The following STK32B variants were observed in gnomAD, a reference collection of about 807,000 sequenced individuals.
STK32B encodes serine/threonine-protein kinase 32B.
In STK32B, 43 loss-of-function variants were observed where a neutral mutation model predicts 52.6. That is an observed-to-expected ratio of 0.82 (90% CI 0.64 to 1.05). The LOEUF (loss-of-function observed/expected upper bound fraction) is 1.05, where lower values mean the gene tolerates loss of function less well. STK32B is among the 50% of genes least tolerant of loss of function. The pLI is 0.00. For missense variants in STK32B, 621 were observed against 534.6 expected, an observed-to-expected ratio of 1.16 and a Z score of -1.59; for synonymous variants, 238 against 204.3, an observed-to-expected ratio of 1.17 and a Z score of -1.41.
chr4:5,126,871 A>G (rs1192739196), intron 1 of STK32B, among the ~76,000 whole-genome samples: 1 of 152,240 alleles, frequency 6.6e-6, no homozygotes, highest in Non-Finnish European at 1.5e-5. Context: ...GGAATGAATA[A>G]TACAGGGTCT....
chr4:5,254,978 G>T (rs73081684), intron 3 of STK32B, among the ~76,000 whole-genome samples: 2 of 142,026 alleles, frequency 1.4e-5, no homozygotes, highest in East Asian at 2.1e-4. Context: ...ATATATATAT[G>T]TTTATTGAGC....
chr4:5,144,093 A>G (rs935764983), intron 2 of STK32B, among the ~76,000 whole-genome samples: 2 of 152,206 alleles, frequency 1.3e-5, no homozygotes, highest in African/African-American at 4.8e-5. Context: ...TTGGGCGGAC[A>G]CAAATTTCCC....
chr4:5,486,298 C>T (rs1000730725), intron 11 of STK32B, among the ~76,000 whole-genome samples: 2 of 152,184 alleles, frequency 1.3e-5, no homozygotes, highest in African/African-American at 4.8e-5. Flanking sequence ...GGGCGCCCCA[C>T]CCCCAACCTC....
chr4:5,210,797 CTT>C (rs373764187), intron 3 of STK32B, among the ~76,000 whole-genome samples: 51 of 142,854 alleles, frequency 3.6e-4, no homozygotes, highest in Admixed American at 6.3e-4. Context: ...TTTAGAAATA[CTT>C]TTTTTTTTTT....
intron 1 of STK32B, among the ~76,000 whole-genome samples, chr4:5,072,040 G>A (rs1711816996): frequency 6.6e-6 from 1 of 152,108 alleles, no homozygotes; most frequent in Admixed American, 6.6e-5. Flanking sequence ...CTTTCTGGAT[G>A]CATTTATCTG....
intron 6 of STK32B, among the ~76,000 whole-genome samples, chr4:5,445,267 GC>G (rs1288883535): frequency 6.6e-6 from 1 of 152,110 alleles, no homozygotes; most frequent in Non-Finnish European, 1.5e-5. Flanking sequence ...CCCAGCCAGC[GC>G]CCCCAGGTCA....
At chr4:5,370,815 T>TA (rs1003454780) in intron 4 of STK32B, among the ~76,000 whole-genome samples, 6 of 151,144 alleles carry the variant, frequency 4.0e-5, no homozygotes, top group Admixed American at 6.6e-5. Flanking sequence ...AAAATAAAAA[T>TA]AAAAAAAATT....
chr4:5,345,061 G>A (rs886266060), intron 4 of STK32B, among the ~76,000 whole-genome samples: 2 of 150,722 alleles, frequency 1.3e-5, no homozygotes, highest in African/African-American at 4.9e-5. Context: ...AAAAAAAAAA[G>A]AAAACAAAAA....
intron 4 of STK32B, among the ~76,000 whole-genome samples, chr4:5,389,594 T>C (rs1191053953): frequency 6.6e-6 from 1 of 152,132 alleles, no homozygotes; most frequent in African/African-American, 2.4e-5. Context: ...GTTAATCACC[T>C]CTTGAAAGGC....
intron 3 of STK32B, among the ~76,000 whole-genome samples, chr4:5,305,461 C>T (rs1729863432): frequency 6.6e-6 from 1 of 151,886 alleles, no homozygotes; most frequent in African/African-American, 2.4e-5. Flanking sequence ...CTCCAGGAAT[C>T]TCCTCTAGGT....
intron 1 of STK32B, among the ~76,000 whole-genome samples, chr4:5,111,347 G>C: frequency 6.6e-6 from 1 of 152,110 alleles, no homozygotes; most frequent in Non-Finnish European, 1.5e-5. Context: ...TAATAGCAGA[G>C]TCACAGAACC....
intron 3 of STK32B, 59 bp from the exon 4 acceptor site, chr4:5,331,161 T>C: frequency 6.6e-7 from 1 of 1,507,674 alleles, no homozygotes. Flanking sequence ...GAGGCATTGG[T>C]CTTGAGGGTG....
intron 8 of STK32B, among the ~76,000 whole-genome samples, chr4:5,457,463 C>T (rs1716652748): frequency 6.6e-6 from 1 of 151,318 alleles, no homozygotes. Flanking sequence ...GATCCGCCAG[C>T]CTCGGCCTCC....
At chr4:5,445,058 T>A (rs1038324673) in intron 6 of STK32B, among the ~76,000 whole-genome samples, 1 of 152,258 alleles carries the variant, frequency 6.6e-6, no homozygotes, top group Non-Finnish European at 1.5e-5. Context: ...ATCTCAGCTT[T>A]GCATTTCCTG....
intron 3 of STK32B, among the ~76,000 whole-genome samples, chr4:5,203,215 C>G (rs1035337302): frequency 3.9e-5 from 6 of 152,026 alleles, no homozygotes; most frequent in Non-Finnish European, 8.8e-5. Context: ...AAAGAGCATC[C>G]CCCATCTCAT....
Position 5,331,265 on chromosome 4 carries a change from G to T in STK32B, c.306G>T (p.Leu102=), listed in dbSNP as rs1175533409. Residue 102 remains leucine (L), a synonymous_variant, in exon 4 of 12, where the codon CTG becomes CTT. Coordinates refer to ENST00000282908, the MANE Select transcript of STK32B (RefSeq NM_018401.3). ...AGGACATGTTCATGGTGGTGGACCT[G>T]CTCCTGGGAGGCGACCTGCGCTACC... ...DEEDMFMVVD[L]LLGGDLRYHL... 2 of 1,613,898 alleles carry T rather than the reference G, an allele frequency of 1.2e-6. No homozygotes were observed. Among genetic ancestry groups the T allele is most frequent in the African/African-American group, 2.7e-5 (2 of 75,034 alleles).
At chr4:5,366,029 T>C (rs1398172057) in intron 4 of STK32B, among the ~76,000 whole-genome samples, 1 of 152,156 alleles carries the variant, frequency 6.6e-6, no homozygotes, top group East Asian at 1.9e-4. Flanking sequence ...GCCGTGTATT[T>C]ATTTCTGTAG....
In STK32B at chr4:5,102,474, TTCCTTCCTTCCTTCCTTCCC is replaced by T. The variant is rs1313838439; in HGVS notation, c.53-37427_53-37408del. Among the ~76,000 whole-genome samples the T allele has an allele frequency of 2.4e-4, 32 of 133,130 alleles. No individual in the cohort carries two copies. In the South Asian group the frequency reaches 3.5e-3, roughly 15 times the overall value. 87.3% of individuals were successfully genotyped at this position (133,130 alleles called of 152,430 possible). On this transcript the variant is annotated intron_variant, in intron 1 of 11. Coordinates refer to ENST00000282908, the MANE Select transcript of STK32B (RefSeq NM_018401.3). ...CTTCCTTCCTTCCTTCCTTCCTTCC[TTCCTTCCTTCCTTCCTTCCC>T]TCCCTCCCTCCCTCCCTCCTTCCTT...
chr4:5,381,443 C>G (rs1272551069), intron 4 of STK32B, among the ~76,000 whole-genome samples: 1 of 152,222 alleles, frequency 6.6e-6, no homozygotes, highest in African/African-American at 2.4e-5. Context: ...CAGCTGCCCT[C>G]TCATCTGCAG....
Sources: gnomAD v4.1 joint callset for allele counts (sites outside exome capture counted in the v4.1 genomes callset) on GRCh38, gnomAD v4.1.1 for gene constraint, MANE v1.5 for transcripts, NCBI Gene and HGNC (gene_info 2026-07-23, HGNC 2026-07-21) for gene names.